Variants in MYLIP observed in about 807,000 individuals in gnomAD.
MYLIP encodes E3 ubiquitin-protein ligase MYLIP.
MYLIP carries 26 observed loss-of-function variants against 45.8 expected under a neutral mutation model. The ratio of observed to expected loss-of-function variants is 0.57; its 90% CI spans 0.42 to 0.79. The LOEUF is 0.79. MYLIP is among the 30% of genes least tolerant of loss of function. The pLI is 0.00. For synonymous variants in MYLIP, 213 were observed against 218.1 expected (o/e 0.98, Z 0.21); for missense variants, 494 against 555.6 (o/e 0.89, Z 1.11).
At chr6:16,136,919 G>C (rs960566003) in intron 2 of MYLIP, among the ~76,000 whole-genome samples, 2 of 152,106 alleles carry the variant, frequency 1.3e-5, no homozygotes, top group African/African-American at 4.8e-5. Context: ...AATTCTTCAT[G>C]TACCCTAGAT....
the MYLIP span, among the ~76,000 whole-genome samples, chr6:16,159,713 T>G: frequency 6.6e-6 from 1 of 152,060 alleles, no homozygotes; most frequent in Middle Eastern, 3.2e-3. Context: ...GCCTTCCTCT[T>G]TGGAATAGGG....
At chr6:16,138,808 G>C (rs983771712) in intron 2 of MYLIP, among the ~76,000 whole-genome samples, 1 of 152,200 alleles carries the variant, frequency 6.6e-6, no homozygotes, top group Non-Finnish European at 1.5e-5. Flanking sequence ...TGACAGTAAG[G>C]AGAAGGATTT....
chr6:16,144,057 A>G (rs1048523287), intron 5 of MYLIP, among the ~76,000 whole-genome samples, 194 bp downstream of exon 5: 1 of 152,104 alleles, frequency 6.6e-6, no homozygotes, highest in Admixed American at 6.5e-5. Context: ...CAGAAGGTGC[A>G]TGTGTGTGAG....
the MYLIP span, among the ~76,000 whole-genome samples, chr6:16,156,419 A>G: frequency 6.6e-6 from 1 of 152,166 alleles, no homozygotes; most frequent in Admixed American, 6.5e-5. Flanking sequence ...TTATTTATGA[A>G]CCATGAAGGT....
At chr6:16,141,599 A>G in intron 2 of MYLIP, 26 bp from the exon 3 acceptor site, 1 of 1,592,264 alleles carries the variant, frequency 6.3e-7, no homozygotes, top group African/African-American at 1.3e-5. Flanking sequence ...CCCCAAGCAT[A>G]ACCTCACTCT....
At chr6:16,157,379 A>G in the MYLIP span, among the ~76,000 whole-genome samples, 4 of 152,260 alleles carry the variant, frequency 2.6e-5, no homozygotes, top group Non-Finnish European at 4.4e-5. Flanking sequence ...CCTAGATTAC[A>G]ATAGTTCCTT....
At chr6:16,144,138 T>G (rs549256363) in intron 5 of MYLIP, among the ~76,000 whole-genome samples, 2 of 152,198 alleles carry the variant, frequency 1.3e-5, no homozygotes, top group Admixed American at 6.5e-5. Flanking sequence ...ACAAAGTGTG[T>G]TAGGAGATTT....
intron 4 of MYLIP, 29 bp from the exon 5 acceptor site, chr6:16,143,670 C>A: frequency 6.2e-7 from 1 of 1,610,822 alleles, no homozygotes; most frequent in Non-Finnish European, 8.5e-7. Flanking sequence ...CCTTCTAGAT[C>A]TGCTTTCTTT....
intron 2 of MYLIP, among the ~76,000 whole-genome samples, chr6:16,140,808 G>A (rs1217288812): frequency 6.6e-6 from 1 of 152,226 alleles, no homozygotes; most frequent in Non-Finnish European, 1.5e-5. Flanking sequence ...TTGGCAAGCC[G>A]TACAGATCCT....
chr6:16,138,417 C>G (rs538057814), intron 2 of MYLIP, among the ~76,000 whole-genome samples: 2 of 151,964 alleles, frequency 1.3e-5, no homozygotes, highest in Non-Finnish European at 2.9e-5. Flanking sequence ...GATTCAAAAC[C>G]ACCCATAAAT....
chr6:16,144,431 C>G (rs1049902153), intron 5 of MYLIP, among the ~76,000 whole-genome samples: 1 of 152,172 alleles, frequency 6.6e-6, no homozygotes, highest in Non-Finnish European at 1.5e-5. Flanking sequence ...TCAGAGGGTA[C>G]TTTAAAGCCA....
intron 2 of MYLIP, among the ~76,000 whole-genome samples, chr6:16,140,617 GGACAGAGGGAGCAGCAAGACCAGA>G (rs1759649797): frequency 6.6e-6 from 1 of 152,138 alleles, no homozygotes; most frequent in African/African-American, 2.4e-5. Flanking sequence ...ATGGCCCTCA[GGACAGAGGGAGCAGCAAGACCAGA>G]GACACCAGAG....
intron 2 of MYLIP, among the ~76,000 whole-genome samples, chr6:16,138,768 T>C (rs1000444000): frequency 6.6e-6 from 1 of 152,208 alleles, no homozygotes; most frequent in African/African-American, 2.4e-5. Context: ...AACTGCAAAA[T>C]GCAGGAAGGG....
At chr6:16,137,355 C>T (rs1277585825) in intron 2 of MYLIP, among the ~76,000 whole-genome samples, 1 of 152,084 alleles carries the variant, frequency 6.6e-6, no homozygotes, top group Non-Finnish European at 1.5e-5. Context: ...TGGGTTCTGA[C>T]AAGGTGAGAG....
intron 2 of MYLIP, among the ~76,000 whole-genome samples, chr6:16,137,788 AAG>A (rs1295315333): frequency 6.6e-6 from 1 of 152,242 alleles, no homozygotes; most frequent in African/African-American, 2.4e-5. Flanking sequence ...TAATTTTTAA[AAG>A]AGAGAAAATT....
chr6:16,159,259 T>C, the MYLIP span, among the ~76,000 whole-genome samples: 3 of 152,084 alleles, frequency 2.0e-5, no homozygotes, highest in Non-Finnish European at 4.4e-5. Context: ...TCGTGAGGAG[T>C]GGGGAGACTT....
Position 16,146,890 on chromosome 6 carries a change from A to G in MYLIP, c.*139A>G. On this transcript the variant is annotated 3_prime_UTR_variant, in exon 7 of 7. Coordinates refer to ENST00000356840, the MANE Select transcript of MYLIP (RefSeq NM_013262.4). ...GTTAAAAAAAAAAAAAAGGAAGAAAAATAACACAGCTACTCCTCACTGCAA... is the reference window on the plus strand; with the variant it reads ...GTTAAAAAAAAAAAAAAGGAAGAAAGATAACACAGCTACTCCTCACTGCAA... 1 of 728,330 alleles carries G rather than the reference A, an allele frequency of 1.4e-6. No individual in the cohort carries two copies. The highest frequency in any genetic ancestry group is 2.2e-6 in the Non-Finnish European group (1 of 454,560). The allele number at this position is 728,330 out of a possible 1,614,324, so 45.1% of individuals were successfully genotyped here.
At chr6:16,148,342 A>C (rs1759836920), downstream of MYLIP, 1 of 151,480 alleles carries the variant, frequency 6.6e-6, no homozygotes, top group Non-Finnish European at 1.5e-5. Context: ...CTTTCCTCCT[A>C]CCGGGAATTT....
At chr6:16,144,710 A>G (rs1276863152) in intron 5 of MYLIP, among the ~76,000 whole-genome samples, 187 bp from the exon 6 acceptor site, 1 of 152,118 alleles carries the variant, frequency 6.6e-6, no homozygotes, top group Non-Finnish European at 1.5e-5. Context: ...ATGTCAGGAG[A>G]TGTTAGAGAA....
Sources: gnomAD v4.1 joint callset for allele counts (sites outside exome capture counted in the v4.1 genomes callset) on GRCh38, gnomAD v4.1.1 for gene constraint, MANE v1.5 for transcripts, NCBI Gene and HGNC (gene_info 2026-07-23, HGNC 2026-07-21) for gene names.